Variants in CTNNA2 observed in about 807,000 individuals in gnomAD.
The protein encoded by CTNNA2 is catenin alpha-2.
In CTNNA2, 42 loss-of-function variants were observed where a neutral mutation model predicts 101.0. The observed-to-expected ratio is 0.42, with a 90% CI of 0.32 to 0.54. The LOEUF is 0.54. Ranked by LOEUF, CTNNA2 falls within the 20% of genes least tolerant of loss-of-function variation. CTNNA2 has a pLI of 0.14. For synonymous variants in CTNNA2, 450 were observed against 456.4 expected (o/e 0.99, Z 0.18); for missense variants, 871 against 1,223.1 (o/e 0.71, Z 4.29).
chr2:80,012,950 G>C (rs564989184), intron 7 of CTNNA2, among the ~76,000 whole-genome samples: 246 of 152,236 alleles, frequency 1.6e-3, no homozygotes, highest in Non-Finnish European at 3.1e-3. Flanking sequence ...GATCACTTGG[G>C]CTCTGGAGTT....
intron 7 of CTNNA2, among the ~76,000 whole-genome samples, chr2:80,309,045 C>T (rs1267217397): frequency 2.0e-5 from 3 of 151,784 alleles, no homozygotes; most frequent in Admixed American, 6.6e-5. Context: ...GCCGAGATCA[C>T]GCCACTGCAT....
At chr2:79,841,352 T>A (rs1056627926) in intron 3 of CTNNA2, among the ~76,000 whole-genome samples, 13 of 152,254 alleles carry the variant, frequency 8.5e-5, no homozygotes, top group Non-Finnish European at 1.8e-4. Flanking sequence ...AATATTTTCC[T>A]AGAGGAATAT....
In CTNNA2 at chr2:79,262,014, G is replaced by A. The variant is rs1674928673; in HGVS notation, c.-405-50695G>A. Among the ~76,000 whole-genome samples, 3 of 152,132 alleles carry A rather than the reference G, an allele frequency of 2.0e-5. No individual in the cohort carries two copies. The South Asian group carries it at 6.2e-4, about 32-fold the overall frequency. ...TCTGGTTCACGCCTTCTAGACTCAG[G>A]AGCATGTCTAGGTCTGGGCATATTA... On this transcript the variant is annotated intron_variant, in intron 2 of 21. Coordinates refer to the CTNNA2 transcript ENST00000466387.
At chr2:79,687,195 C>T (rs1048873475) in intron 2 of CTNNA2, among the ~76,000 whole-genome samples, 15 of 151,960 alleles carry the variant, frequency 9.9e-5, no homozygotes, top group Admixed American at 2.6e-4. Context: ...TGTAAAGACC[C>T]CTTGGTGAGA....
intron 7 of CTNNA2, among the ~76,000 whole-genome samples, chr2:80,148,852 T>G (rs1395583208): frequency 4.6e-5 from 7 of 152,076 alleles, no homozygotes; most frequent in African/African-American, 1.7e-4. Context: ...CTAAATCAAC[T>G]TCAGGCTGCA....
At chr2:80,630,325 C>T in intron 18 of CTNNA2, among the ~76,000 whole-genome samples, 1 of 152,150 alleles carries the variant, frequency 6.6e-6, no homozygotes, top group Non-Finnish European at 1.5e-5. Context: ...TATGTCATTA[C>T]ATATTTACCT....
rs568742500 is a variant in CTNNA2 at position 80,647,963 on chromosome 2, G to A, written c.*91G>A. ...TTTTTGTATGCATACCTGCCAGCTC[G>A]TATGCCTCTGGCATGGGGAAATTAA... is the stretch of plus-strand genomic sequence containing the variant. On this transcript the variant is annotated 3_prime_UTR_variant, in exon 19 of 19. Transcript: ENST00000402739. 1,034 of 1,246,466 alleles carry A rather than the reference G, an allele frequency of 8.3e-4. No individual in the cohort carries two copies. The highest frequency in any genetic ancestry group is 1.0e-3 in the Non-Finnish European group (942 of 905,414). 77.2% of individuals were successfully genotyped at this position (1,246,466 alleles called of 1,614,324 possible).
chr2:80,111,711 G>A (rs1007698408), intron 7 of CTNNA2, among the ~76,000 whole-genome samples: 1 of 151,964 alleles, frequency 6.6e-6, no homozygotes, highest in Non-Finnish European at 1.5e-5. Context: ...TAGGCTAATT[G>A]TTTTACGTTT....
At chr2:79,915,980 T>A (rs1686174392) in intron 7 of CTNNA2, among the ~76,000 whole-genome samples, 1 of 152,188 alleles carries the variant, frequency 6.6e-6, no homozygotes, top group Admixed American at 6.5e-5. Context: ...TTCTCCCATA[T>A]GGGAAGCATG....
At chr2:80,176,760 G>C (rs1705421121) in intron 7 of CTNNA2, among the ~76,000 whole-genome samples, 1 of 152,130 alleles carries the variant, frequency 6.6e-6, no homozygotes, top group Non-Finnish European at 1.5e-5. Flanking sequence ...ATTTTATCTT[G>C]ATAATCTGGG....
Position 79,869,917 on chromosome 2 carries a change from A to C in CTNNA2, c.567A>C (p.Val189=), listed in dbSNP as rs773199797. The C allele has an allele frequency of 6.2e-7, 1 of 1,613,954 alleles. No individual in the cohort carries two copies. The highest frequency in any genetic ancestry group is 1.1e-5 in the South Asian group (1 of 91,058). The change falls in exon 5 of 19, where the codon GTA becomes GTC. Residue 189 remains valine, a synonymous_variant. Transcript: ENST00000402739. The stretch of plus-strand genomic sequence containing the variant: ...AAGAGATGGTGAAACTTAACTATGT[A>C]GCAGCAAGAAGACAACAGGTGGGAA... The part of the protein sequence containing the change: ...FGKEMVKLNY[V]AARRQQELKD...
chr2:80,362,125 G>A lies in CTNNA2; in HGVS notation c.1057-31086G>A, dbSNP rs1331998189. On this transcript the variant is annotated intron_variant, in intron 7 of 18. Transcript: ENST00000402739. ...ACATGAGGCAGTTTTGCAATTTGGA[G>A]AAAGGAACCTAAATGAAGTTAGGTT... Among the ~76,000 whole-genome samples, 4 of 152,196 alleles carry A rather than the reference G, an allele frequency of 2.6e-5. No homozygotes were observed. The East Asian group carries it at 5.8e-4, about 22-fold the overall frequency.
intron 11 of CTNNA2, among the ~76,000 whole-genome samples, chr2:80,555,096 A>C (rs1459084488): frequency 6.6e-6 from 1 of 152,180 alleles, no homozygotes; most frequent in Non-Finnish European, 1.5e-5. Flanking sequence ...GTCTTCACCT[A>C]ATCAGTTTTC....
At chr2:79,357,961 CTA>C (rs1312087071) in intron 3 of CTNNA2, among the ~76,000 whole-genome samples, 2 of 152,112 alleles carry the variant, frequency 1.3e-5, no homozygotes, top group African/African-American at 4.8e-5. Context: ...TCCCTTGACT[CTA>C]TCTTATTTTA....
intron 4 of CTNNA2, among the ~76,000 whole-genome samples, chr2:79,385,427 A>G (rs1033657749): frequency 1.3e-5 from 2 of 152,224 alleles, no homozygotes; most frequent in Non-Finnish European, 2.9e-5. Flanking sequence ...GTGATTAAAT[A>G]TATATTTAAT....
chr2:79,872,881 C>A (rs1381258223), intron 5 of CTNNA2, among the ~76,000 whole-genome samples: 3 of 152,198 alleles, frequency 2.0e-5, no homozygotes, highest in Non-Finnish European at 4.4e-5. Context: ...AGCTGGCAAT[C>A]CTGCATGGCT....
At chr2:80,179,667 C>T (rs1177843519) in intron 7 of CTNNA2, among the ~76,000 whole-genome samples, 1 of 152,190 alleles carries the variant, frequency 6.6e-6, no homozygotes, top group Non-Finnish European at 1.5e-5. Flanking sequence ...GCCACTGTGC[C>T]CGGCCAAGAA....
chr2:79,375,698 G>A (rs1195709325), intron 4 of CTNNA2, among the ~76,000 whole-genome samples: 1 of 152,016 alleles, frequency 6.6e-6, no homozygotes. Context: ...ATATTTTCTT[G>A]GTGCTTTTGA....
chr2:79,967,584 A>T (rs1304939430), intron 7 of CTNNA2, among the ~76,000 whole-genome samples: 3 of 152,184 alleles, frequency 2.0e-5, no homozygotes, highest in African/African-American at 7.2e-5. Context: ...TAAAATCCTA[A>T]TGCCTTACCC....
Sources: allele counts gnomAD v4.1 joint callset (sites outside exome capture counted in the v4.1 genomes callset), GRCh38; gene constraint gnomAD v4.1.1; transcripts MANE v1.5; gene names NCBI Gene and HGNC (gene_info 2026-07-23, HGNC 2026-07-21).